Variants in AK8 observed in about 807,000 individuals in gnomAD.
The protein encoded by AK8 is adenylate kinase 8.
In AK8, 44 loss-of-function variants were observed where a neutral mutation model predicts 54.6. That is an observed-to-expected ratio of 0.81 (90% CI 0.63 to 1.04). The LOEUF (loss-of-function observed/expected upper bound fraction) is 1.04, where lower values mean the gene tolerates loss of function less well. Ranked by LOEUF, AK8 falls within the 50% of genes least tolerant of loss-of-function variation. The pLI, the probability that AK8 is intolerant of heterozygous loss-of-function variation, is 0.00. For missense variants in AK8, 555 were observed against 613.6 expected (o/e 0.90, Z 1.01); for synonymous variants, 239 against 245.6 (o/e 0.97, Z 0.25).
chr9:132,774,982 G>T (rs1186379760), intron 11 of AK8, among the ~76,000 whole-genome samples: 3 of 152,292 alleles, frequency 2.0e-5, no homozygotes, highest in African/African-American at 7.2e-5. Flanking sequence ...AACCTTAAAG[G>T]TAGGCAAAGA....
intron 9 of AK8, among the ~76,000 whole-genome samples, chr9:132,822,828 A>G (rs1017447444): frequency 9.2e-5 from 14 of 152,166 alleles, no homozygotes. Flanking sequence ...ATAAATAAAC[A>G]GCACATTCCT....
rs1842368106 is a variant in AK8, at chr9:132,837,344, A to G, written c.403-8618T>C. Among the ~76,000 whole-genome samples, 1 of 150,360 alleles carries G rather than the reference A, an allele frequency of 6.7e-6. No homozygotes were observed. The highest frequency in any genetic ancestry group is 2.4e-5 in the African/African-American group (1 of 41,028). ...GAAAAAAAAAAAAAAAAAAAGAATG[A>G]AAGAATGAGGAGTTGGCCCCCTTCT... On this transcript the variant is annotated intron_variant, in intron 5 of 12. Coordinates refer to ENST00000298545, the MANE Select transcript of AK8 (RefSeq NM_152572.3). The surrounding 1 kb of genome is among the most constrained non-coding windows in gnomAD (Gnocchi z 4.3).
intron 10 of AK8, among the ~76,000 whole-genome samples, chr9:132,811,236 T>C (rs1256806889): frequency 2.0e-5 from 3 of 152,190 alleles, no homozygotes; most frequent in Admixed American, 2.0e-4. Flanking sequence ...TGTTCCCTGA[T>C]ATGGCAAAAA....
rs1240564473 is a variant in AK8 at position 132,866,899 on chromosome 9, C to T, written c.219+5G>A. 1.2e-6 allele frequency: 2 copies of T among 1,613,508 alleles called. No individual in the cohort carries two copies. Among genetic ancestry groups the T allele is most frequent in the African/African-American group, 2.7e-5 (2 of 75,010 alleles). ...GCATCACAACACTTAATATGATACACTTACTATTGTTGTTTTCCCTGAGGC... is the reference window on the plus strand; with the variant it reads ...GCATCACAACACTTAATATGATACATTTACTATTGTTGTTTTCCCTGAGGC... On this transcript the variant is annotated splice_donor_5th_base_variant and intron_variant, in intron 3 of 12. Coordinates refer to ENST00000298545, the MANE Select transcript of AK8 (RefSeq NM_152572.3).
In AK8 at chr9:132,751,122, G is replaced by A. The variant is rs182681002; in HGVS notation, c.1122-23588C>T. Among the ~76,000 whole-genome samples, 86 of 151,952 alleles carry A rather than the reference G, an allele frequency of 5.7e-4. 1 individual carries two copies. Among genetic ancestry groups the A allele is most frequent in the Admixed American group, 1.1e-3 (17 of 15,214 alleles). ...TTTTATGCCGGGTGCCGTGGCTCAC[G>A]CCTGTAATCCCAGCACTTTGAGAGG... On this transcript the variant is annotated intron_variant, in intron 11 of 12. Coordinates refer to ENST00000298545, the MANE Select transcript of AK8 (RefSeq NM_152572.3).
chr9:132,729,676 G>C (rs1447566997), intron 11 of AK8, among the ~76,000 whole-genome samples: 1 of 152,136 alleles, frequency 6.6e-6, no homozygotes, highest in Non-Finnish European at 1.5e-5. Context: ...TGGAATTTAG[G>C]CACTAAATTT....
intron 5 of AK8, among the ~76,000 whole-genome samples, chr9:132,842,703 C>T (rs1351231150): frequency 6.6e-6 from 1 of 152,244 alleles, no homozygotes; most frequent in Non-Finnish European, 1.5e-5. Context: ...GGGTCCTCTG[C>T]TCAGTCTCAA....
At chr9:132,771,021 T>A (rs1180337350) in intron 11 of AK8, among the ~76,000 whole-genome samples, 3 of 152,078 alleles carry the variant, frequency 2.0e-5, no homozygotes, top group Non-Finnish European at 4.4e-5. Context: ...GCAGGGCAGG[T>A]GTGGACTTAG....
At chr9:132,792,343 G>A (rs1257922297) in intron 11 of AK8, among the ~76,000 whole-genome samples, 1 of 152,192 alleles carries the variant, frequency 6.6e-6, no homozygotes, top group Admixed American at 6.5e-5. Flanking sequence ...AAAAATAGTA[G>A]AAGAAAACAT....
chr9:132,760,193 T>G (rs1368386699), intron 11 of AK8, among the ~76,000 whole-genome samples: 1 of 152,102 alleles, frequency 6.6e-6, no homozygotes, highest in Non-Finnish European at 1.5e-5. Context: ...GTTAATTTTT[T>G]TTTTTTTGGA....
intron 11 of AK8, among the ~76,000 whole-genome samples, chr9:132,732,724 G>A (rs1836904941): frequency 6.6e-6 from 1 of 152,132 alleles, no homozygotes; most frequent in South Asian, 2.1e-4. Flanking sequence ...GAGAGACATT[G>A]TTTGGGGCCC....
intron 11 of AK8, among the ~76,000 whole-genome samples, chr9:132,771,988 C>T (rs915508370): frequency 6.6e-6 from 1 of 152,048 alleles, no homozygotes; most frequent in Non-Finnish European, 1.5e-5. Context: ...AGGGGAACTC[C>T]CCCTTAAAAA....
At chr9:132,751,903 C>T (rs149925136) in intron 11 of AK8, among the ~76,000 whole-genome samples, 2,147 of 148,214 alleles carry the variant, frequency 0.014, 53 homozygotes, top group African/African-American at 0.047. Flanking sequence ...TGCAGTGGCG[C>T]GATCTGGGCT....
intron 2 of AK8, among the ~76,000 whole-genome samples, chr9:132,868,058 C>T (rs1377872882): frequency 6.6e-6 from 1 of 152,182 alleles, no homozygotes; most frequent in South Asian, 2.1e-4. Context: ...TGTGGGAAGC[C>T]GGTAACCTTG....
intron 2 of AK8, among the ~76,000 whole-genome samples, chr9:132,869,793 G>C (rs1265342739): frequency 1.3e-5 from 2 of 152,358 alleles, no homozygotes; most frequent in Non-Finnish European, 2.9e-5. Context: ...GAGTGCCATG[G>C]GAGGTTTGTG....
chr9:132,744,412 C>G (rs777654448), intron 11 of AK8, among the ~76,000 whole-genome samples: 9 of 122,398 alleles, frequency 7.4e-5, no homozygotes, highest in Non-Finnish European at 1.2e-4. Flanking sequence ...AGAATAGACA[C>G]GTGCCAAAAA....
chr9:132,757,861 GA>G lies in AK8; in HGVS notation c.1122-30328del, dbSNP rs35204280. Among the ~76,000 whole-genome samples, 696 of 151,974 alleles carry G rather than the reference GA, an allele frequency of 4.6e-3. 4 individuals carry two copies. Among genetic ancestry groups the G allele is most frequent in the African/African-American group, 0.016 (665 of 41,456 alleles). ...AATCCATCATTGATCCTAAGGGAGGGAAAAAAAAGGTCCCTAAACCTTAAGT... is the reference window on the plus strand; with the variant it reads ...AATCCATCATTGATCCTAAGGGAGGGAAAAAAAGGTCCCTAAACCTTAAGT... On this transcript the variant is annotated intron_variant, in intron 11 of 12. Coordinates refer to ENST00000298545, the MANE Select transcript of AK8 (RefSeq NM_152572.3).
chr9:132,855,975 T>C (rs551094813), intron 4 of AK8, among the ~76,000 whole-genome samples: 1 of 151,862 alleles, frequency 6.6e-6, no homozygotes, highest in Admixed American at 6.6e-5. Flanking sequence ...TGATTCAGAG[T>C]GTTGGCCCTT....
intron 10 of AK8, among the ~76,000 whole-genome samples, chr9:132,805,247 G>A (rs1840665620): frequency 6.6e-6 from 1 of 152,168 alleles, no homozygotes; most frequent in African/African-American, 2.4e-5. Flanking sequence ...GTGCACTCCG[G>A]CTCTCCTTGG....
Sources: allele counts gnomAD v4.1 joint callset (sites outside exome capture counted in the v4.1 genomes callset), GRCh38; gene constraint gnomAD v4.1.1; non-coding constraint Gnocchi (gnomAD v3.1); transcripts MANE v1.5; gene names NCBI Gene and HGNC (gene_info 2026-07-23, HGNC 2026-07-21).